Variants in KIAA0586 observed in about 807,000 individuals in gnomAD.
KIAA0586 encodes the protein protein TALPID3.
In KIAA0586, 144 loss-of-function variants were observed where a neutral mutation model predicts 169.8. That is an observed-to-expected ratio of 0.85 (90% CI 0.74 to 0.97). The LOEUF (loss-of-function observed/expected upper bound fraction) is 0.97. Among genes scored for constraint, KIAA0586 ranks in the 50% least tolerant of loss-of-function variants. The pLI is 0.00. For synonymous variants in KIAA0586, 625 were observed against 612.4 expected (o/e 1.02, Z -0.30); for missense variants, 1,854 against 1,823.0 (o/e 1.02, Z -0.31).
At chr14:58,546,508 A>C (rs1479040644) in intron 30 of KIAA0586, among the ~76,000 whole-genome samples, 2 of 152,224 alleles carry the variant, frequency 1.3e-5, no homozygotes, top group African/African-American at 4.8e-5. Flanking sequence ...TCTTGTCTGA[A>C]ATATGTCTTT....
At chr14:58,510,591 C>T (rs914845130) in intron 28 of KIAA0586, among the ~76,000 whole-genome samples, 4 of 152,112 alleles carry the variant, frequency 2.6e-5, no homozygotes, top group African/African-American at 7.2e-5. Context: ...TAAAAATATA[C>T]ACCCACCATA....
chr14:58,440,711 T>C (rs2140512565), intron 4 of KIAA0586, among the ~76,000 whole-genome samples: 1 of 152,314 alleles, frequency 6.6e-6, no homozygotes, highest in South Asian at 2.1e-4. Flanking sequence ...TCAATCCCTC[T>C]TGGGGACATT....
At position 58,550,705 on chromosome 14, in the gene KIAA0586, A is replaced by C. The variant is rs563133370; in HGVS notation, c.*2773A>C. Reference sequence around the variant, plus strand: ...AAAAATTAGCTGGTCATGGTTGCACACACCTGTAGCCCCAGCTACTCAAGA... The same window carrying C: ...AAAAATTAGCTGGTCATGGTTGCACCCACCTGTAGCCCCAGCTACTCAAGA... On this transcript the variant is annotated 3_prime_UTR_variant, in exon 31 of 31. Transcript: ENST00000652326. 1.3e-5 allele frequency: 2 copies of C among 152,098 alleles called. No homozygotes were observed. The highest frequency in any genetic ancestry group is 3.9e-4 in the East Asian group (2 of 5,122). The allele number at this position is 152,098 out of a possible 1,614,324, so 9.4% of individuals were successfully genotyped here. A position where few individuals can be genotyped will look rare whatever the true frequency, so the allele number is the denominator to read the frequency against.
In KIAA0586 at chr14:58,458,455, C is replaced by G. The variant is rs2040051177; in HGVS notation, c.1584-18C>G. On this transcript the variant is annotated intron_variant, in intron 11 of 30. Coordinates refer to ENST00000652326, the MANE Select transcript of KIAA0586 (RefSeq NM_001329943.3). ...CAGTAAGTGCTAATTTAAGAAAATT[C>G]CTTTTTCTCTTTTATAGAGAGATGT... 7.0e-7 allele frequency: 1 copy of G among 1,421,134 alleles called. No individual in the cohort carries two copies. Among genetic ancestry groups the G allele is most frequent in the Non-Finnish European group, 9.7e-7 (1 of 1,033,120 alleles). The allele number at this position is 1,421,134 out of a possible 1,614,324, so 88.0% of individuals were successfully genotyped here.
At chr14:58,528,530 A>G (rs1360465923) in intron 29 of KIAA0586, among the ~76,000 whole-genome samples, 2 of 152,254 alleles carry the variant, frequency 1.3e-5, no homozygotes, top group African/African-American at 4.8e-5. Context: ...CAATCAAACT[A>G]GAACTCAGGA....
At position 58,448,396 on chromosome 14, in the gene KIAA0586, C is replaced by T. The variant is rs2039082869; in HGVS notation, c.864C>T (p.Pro288=). The change falls in exon 7 of 31, where the codon CCC becomes CCT. Residue 288 remains proline (P), a synonymous_variant. Transcript: ENST00000652326. ...KTSSFQPVSM[P]SSRAVEKYSV... The stretch of plus-strand genomic sequence containing the variant: ...GTAGTTTTCAGCCTGTTAGTATGCC[C>T]TCCTCCAGAGCAGTGGAAAAGTATT... 2 of 1,608,804 alleles carry T rather than the reference C, an allele frequency of 1.2e-6. No individual in the cohort carries two copies. The highest frequency in any genetic ancestry group is 1.7e-6 in the Non-Finnish European group (2 of 1,175,476).
rs117164672 is a variant in KIAA0586 at position 58,534,833 on chromosome 14, G to T, written c.4430-5238G>T. Among the ~76,000 whole-genome samples, 42 of 152,256 alleles carry T rather than the reference G, an allele frequency of 2.8e-4. No homozygotes were observed. In the East Asian group the frequency reaches 7.7e-3, roughly 28 times the overall value. On this transcript the variant is annotated intron_variant, in intron 29 of 30. Transcript: ENST00000652326. ...GTATCATCTTTTAATTGCTGAAACTGCCCTATTGGTTTCTTCCATTTTAAC... is the reference window on the plus strand; with the variant it reads ...GTATCATCTTTTAATTGCTGAAACTTCCCTATTGGTTTCTTCCATTTTAAC...
At chr14:58,472,166 C>T (rs547859068) in intron 17 of KIAA0586, 33 bp from the exon 18 acceptor site, 4 of 1,184,742 alleles carry the variant, frequency 3.4e-6, no homozygotes, top group East Asian at 2.6e-5. Context: ...AAGTGTTAAG[C>T]ACAACAAAAA....
In KIAA0586 at chr14:58,519,213, A is replaced by G. The variant is rs148977019; in HGVS notation, c.4429+6586A>G. 2.7e-3 allele frequency among the ~76,000 whole-genome samples: 413 copies of G among 152,300 alleles called. 1 individual carries two copies. In the Middle Eastern group the frequency reaches 0.031, roughly 11 times the overall value. ...GGTGTGTTCTATGTTAATTTCATTT[A>G]TTCATCACAATACCATGCCATGCAG... On this transcript the variant is annotated intron_variant, in intron 29 of 30. Transcript: ENST00000652326.
intron 26 of KIAA0586, among the ~76,000 whole-genome samples, chr14:58,498,269 G>A (rs907209845): frequency 2.6e-5 from 4 of 151,912 alleles, no homozygotes; most frequent in African/African-American, 4.8e-5. Context: ...TCTGCCTCCT[G>A]GGTTCAAGCT....
At chr14:58,474,836 T>C in intron 19 of KIAA0586, 39 bp downstream of exon 19, 3 of 1,345,754 alleles carry the variant, frequency 2.2e-6, no homozygotes, top group Non-Finnish European at 3.1e-6. Flanking sequence ...AGAACCATAG[T>C]AGAAAATATA....
At chr14:58,532,203 A>G (rs896629580) in intron 29 of KIAA0586, among the ~76,000 whole-genome samples, 3 of 152,186 alleles carry the variant, frequency 2.0e-5, no homozygotes, top group Non-Finnish European at 4.4e-5. Context: ...AAAGGAAAAA[A>G]AAAGTATGCC....
rs2036940075 is a variant in KIAA0586 at position 58,427,720 on chromosome 14, C to T, written c.-545C>T. 1 of 1,534,674 alleles carries T rather than the reference C, an allele frequency of 6.5e-7. No homozygotes were observed. The highest frequency in any genetic ancestry group is 1.4e-5 in the African/African-American group (1 of 72,892). Reference sequence around the variant, plus strand: ...GGTGTTGACCTGCGGGCAACTGACGCTGTTGTCAGATTACACCCACGACGG... The same window carrying T: ...GGTGTTGACCTGCGGGCAACTGACGTTGTTGTCAGATTACACCCACGACGG... On this transcript the variant is annotated 5_prime_UTR_variant, in exon 1 of 31. Transcript: ENST00000652326.
upstream of KIAA0586, chr14:58,427,610 C>T (rs984520169): frequency 2.1e-5 from 33 of 1,535,572 alleles, no homozygotes; most frequent in East Asian, 4.9e-5. Flanking sequence ...CACCAGAGAG[C>T]GCTTAGCTTT....
At chr14:58,484,890 TTATATATATA>T (rs2042278433) in intron 21 of KIAA0586, among the ~76,000 whole-genome samples, 47 of 32,280 alleles carry the variant, frequency 1.5e-3, no homozygotes, top group African/African-American at 6.0e-3. Flanking sequence ...ATATATATAT[TTATATATATA>T]TATATATATA....
At chr14:58,488,226 C>CCTG in intron 23 of KIAA0586, 117 bp downstream of exon 23, 1 of 819,308 alleles carries the variant, frequency 1.2e-6, no homozygotes. Context: ...CTACCTTATA[C>CCTG]TTTGAAAGAA....
At chr14:58,501,177 G>A (rs979933690) in intron 27 of KIAA0586, among the ~76,000 whole-genome samples, 10 of 152,212 alleles carry the variant, frequency 6.6e-5, no homozygotes, top group Non-Finnish European at 1.2e-4. Flanking sequence ...AAAGCCTGAA[G>A]TATTTAGTTT....
chr14:58,446,990 AG>A lies in KIAA0586; in HGVS notation c.808-1349del, dbSNP rs1233865384. Among the ~76,000 whole-genome samples the A allele has an allele frequency of 3.9e-5, 6 of 152,196 alleles. No homozygotes were observed. In the South Asian group the frequency reaches 6.2e-4, roughly 16 times the overall value. ...AAGGAGTGGCTCCTACTTAGTCCTA[AG>A]TACTTACCTGCCATCATCCATCCTT... On this transcript the variant is annotated intron_variant, in intron 6 of 30. Coordinates refer to ENST00000652326, the MANE Select transcript of KIAA0586 (RefSeq NM_001329943.3).
chr14:58,484,573 A>T (rs926360794), intron 21 of KIAA0586, among the ~76,000 whole-genome samples: 1 of 151,918 alleles, frequency 6.6e-6, no homozygotes, highest in Non-Finnish European at 1.5e-5. Flanking sequence ...CATTACCAAT[A>T]CTAGAAGAAT....
Sources: gnomAD v4.1 joint callset for allele counts (sites outside exome capture counted in the v4.1 genomes callset) on GRCh38, gnomAD v4.1.1 for gene constraint, MANE v1.5 for transcripts, NCBI Gene and HGNC (gene_info 2026-07-23, HGNC 2026-07-21) for gene names.